Variants in NDUFAF2 observed in about 807,000 individuals in gnomAD.
NDUFAF2 encodes NADH dehydrogenase [ubiquinone] 1 alpha subcomplex assembly factor 2.
In NDUFAF2, 13 loss-of-function variants were observed where a neutral mutation model predicts 22.8. The ratio of observed to expected loss-of-function variants is 0.57; its 90% confidence interval spans 0.37 to 0.91. NDUFAF2 has a LOEUF of 0.91. Ranked by LOEUF, NDUFAF2 falls within the 40% of genes least tolerant of loss-of-function variation. The pLI is 0.01. For missense variants in NDUFAF2, 162 were observed against 195.2 expected, an observed-to-expected ratio of 0.83 and a Z score of 1.01; for synonymous variants, 53 against 64.2, an observed-to-expected ratio of 0.83 and a Z score of 0.84.
intron 1 of NDUFAF2, among the ~76,000 whole-genome samples, chr5:61,061,037 G>T (rs1752159089): frequency 6.6e-6 from 1 of 152,062 alleles, no homozygotes; most frequent in Non-Finnish European, 1.5e-5. Context: ...GGTGTCTCCT[G>T]CCACAGGTAC....
At chr5:61,013,447 T>TG (rs554474592) in intron 1 of NDUFAF2, among the ~76,000 whole-genome samples, 1 of 152,174 alleles carries the variant, frequency 6.6e-6, no homozygotes, top group South Asian at 2.1e-4. Flanking sequence ...TGTGTTATAT[T>TG]GATTTAATGC....
At chr5:61,127,068 C>G (rs1579844197) in intron 3 of NDUFAF2, among the ~76,000 whole-genome samples, 1 of 152,096 alleles carries the variant, frequency 6.6e-6, no homozygotes, top group East Asian at 1.9e-4. Context: ...CACATACACC[C>G]TCCCAAGACT....
At chr5:61,122,694 T>C (rs1752990678) in intron 3 of NDUFAF2, among the ~76,000 whole-genome samples, 1 of 152,182 alleles carries the variant, frequency 6.6e-6, no homozygotes, top group African/African-American at 2.4e-5. Context: ...TTAAACTACT[T>C]TCTTCTGTAG....
chr5:61,095,503 C>T lies in NDUFAF2; in HGVS notation c.218-3489C>T, dbSNP rs554176861. 1.5e-4 allele frequency among the ~76,000 whole-genome samples: 23 copies of T among 152,310 alleles called. No homozygotes were observed. The East Asian group carries it at 2.7e-3, about 18-fold the overall frequency. On this transcript the variant is annotated intron_variant, in intron 2 of 3. Coordinates refer to ENST00000296597, the MANE Select transcript of NDUFAF2 (RefSeq NM_174889.5). The stretch of plus-strand genomic sequence containing the variant: ...CTGCGGACCATCACTGCTTAGCCCC[C>T]TCGATTCAGCCTTCTTCCTAGGGGT...
chr5:61,073,030 A>C (rs1752320142), intron 1 of NDUFAF2, 95 bp from the exon 2 acceptor site: 1 of 765,892 alleles, frequency 1.3e-6, no homozygotes, highest in East Asian at 2.5e-5. Flanking sequence ...TAATTCTTTT[A>C]CTATATAAGG....
chr5:61,097,682 T>A (rs1752661222), intron 2 of NDUFAF2, among the ~76,000 whole-genome samples: 1 of 152,248 alleles, frequency 6.6e-6, no homozygotes, highest in Non-Finnish European at 1.5e-5. Flanking sequence ...GGCCTCAGTT[T>A]CCAAATCTCT....
intron 3 of NDUFAF2, among the ~76,000 whole-genome samples, chr5:61,137,317 C>T (rs1365619058): frequency 1.3e-5 from 2 of 152,194 alleles, no homozygotes; most frequent in African/African-American, 4.8e-5. Context: ...TTTTTCAACA[C>T]TTACATAATA....
intron 1 of NDUFAF2, among the ~76,000 whole-genome samples, chr5:61,044,684 G>C (rs1178288756): frequency 6.6e-5 from 10 of 151,976 alleles, no homozygotes. Flanking sequence ...ATTGCTCTTT[G>C]TGTCTGTTTT....
chr5:61,104,948 C>G (rs955647220), intron 3 of NDUFAF2, among the ~76,000 whole-genome samples: 9 of 152,122 alleles, frequency 5.9e-5, no homozygotes, highest in African/African-American at 2.2e-4. Context: ...TCAATTCTAT[C>G]TCTGTATTAG....
Position 61,152,973 on chromosome 5 carries a change from C to A in NDUFAF2, c.*18C>A, listed in dbSNP as rs1741267961. 1 of 1,613,122 alleles carries A rather than the reference C, an allele frequency of 6.2e-7. No homozygotes were observed. The highest frequency in any genetic ancestry group is 8.5e-7 in the Non-Finnish European group (1 of 1,179,296). On this transcript the variant is annotated 3_prime_UTR_variant, in exon 4 of 4. Coordinates refer to ENST00000296597, the MANE Select transcript of NDUFAF2 (RefSeq NM_174889.5). ...ATCAATGAATGCATTATGGTCAAAT[C>A]TTTTCATGTATATGGATGTGACTAT...
intron 3 of NDUFAF2, 135 bp from the exon 4 acceptor site, chr5:61,152,569 G>T (rs1741260502): frequency 3.4e-6 from 2 of 581,306 alleles, no homozygotes; most frequent in African/African-American, 3.9e-5. Context: ...ATACATATCT[G>T]TATATTATTT....
At chr5:61,118,813 A>T (rs1477783648) in intron 3 of NDUFAF2, among the ~76,000 whole-genome samples, 2 of 152,186 alleles carry the variant, frequency 1.3e-5, no homozygotes, top group African/African-American at 4.8e-5. Flanking sequence ...ATATATAGAG[A>T]TATTGTAAAA....
At chr5:60,973,373 C>T (rs1364096533) in intron 1 of NDUFAF2, among the ~76,000 whole-genome samples, 1 of 152,086 alleles carries the variant, frequency 6.6e-6, no homozygotes, top group African/African-American at 2.4e-5. Flanking sequence ...GTTTAGGAAG[C>T]TTACTGTTGC....
chr5:61,013,818 T>C (rs534253115), intron 1 of NDUFAF2, among the ~76,000 whole-genome samples: 5 of 151,970 alleles, frequency 3.3e-5, no homozygotes, highest in Non-Finnish European at 7.4e-5. Context: ...AATTTGGAAA[T>C]ATACTAGGAA....
At chr5:61,098,913 C>A in intron 2 of NDUFAF2, 79 bp from the exon 3 acceptor site, 2 of 1,136,344 alleles carry the variant, frequency 1.8e-6, no homozygotes, top group South Asian at 1.4e-5. Context: ...AGTAGGTACT[C>A]AAAAAAATTT....
intron 1 of NDUFAF2, among the ~76,000 whole-genome samples, chr5:60,946,371 C>A (rs1580060874): frequency 6.6e-6 from 1 of 152,120 alleles, no homozygotes; most frequent in African/African-American, 2.4e-5. Context: ...AGATTATGTG[C>A]CATTCATTTC....
chr5:61,116,958 C>T (rs963948359), intron 3 of NDUFAF2, among the ~76,000 whole-genome samples: 1 of 151,860 alleles, frequency 6.6e-6, no homozygotes, highest in African/African-American at 2.4e-5. Context: ...CATTTATTTG[C>T]GGAAAAAACT....
chr5:61,064,102 A>G (rs1328064759), intron 1 of NDUFAF2, among the ~76,000 whole-genome samples: 1 of 152,160 alleles, frequency 6.6e-6, no homozygotes, highest in Non-Finnish European at 1.5e-5. Context: ...CTGTACTTAC[A>G]TATGATAAAA....
chr5:61,106,749 G>A lies in NDUFAF2; in HGVS notation c.258+7717G>A, dbSNP rs1486395484. Reference sequence around the variant, plus strand: ...ATCCTTCTACTCTCTATCTCCATAAGTTCAACTCCCACAAATGAGTGAGAA... The same window carrying A: ...ATCCTTCTACTCTCTATCTCCATAAATTCAACTCCCACAAATGAGTGAGAA... On this transcript the variant is annotated intron_variant, in intron 3 of 3. Coordinates refer to ENST00000296597, the MANE Select transcript of NDUFAF2 (RefSeq NM_174889.5). 4.7e-5 allele frequency among the ~76,000 whole-genome samples: 7 copies of A among 149,476 alleles called. 1 individual carries two copies. The East Asian group carries it at 5.9e-4, about 13-fold the overall frequency.
Sources: gnomAD v4.1 joint callset for allele counts (sites outside exome capture counted in the v4.1 genomes callset) on GRCh38, gnomAD v4.1.1 for gene constraint, MANE v1.5 for transcripts, NCBI Gene and HGNC (gene_info 2026-07-23, HGNC 2026-07-21) for gene names.